The following OLFML1 variants were observed in gnomAD, a reference collection of about 807,000 sequenced individuals.
The protein encoded by OLFML1 is olfactomedin like 1.
Under a neutral mutation model 37.3 loss-of-function variants are expected in OLFML1, and 33 were observed. The observed-to-expected ratio is 0.88, with a 90% CI of 0.67 to 1.18. OLFML1 has a LOEUF of 1.18. OLFML1 is among the 50% of genes most tolerant of loss of function. The pLI, the probability that OLFML1 is intolerant of heterozygous loss-of-function variation, is 0.00. For synonymous variants in OLFML1, 186 were observed against 181.3 expected, an observed-to-expected ratio of 1.03 and a Z score of -0.21; for missense variants, 545 against 483.7, an observed-to-expected ratio of 1.13 and a Z score of -1.19.
chr11:7,486,951 C>T (rs187204103), intron 1 of OLFML1, among the ~76,000 whole-genome samples: 8 of 152,320 alleles, frequency 5.3e-5, no homozygotes, highest in African/African-American at 1.2e-4. Flanking sequence ...TGTTCCCAGA[C>T]GAGCGGCCTC....
In OLFML1 at chr11:7,493,278, T is replaced by C. The variant is rs115951890; in HGVS notation, c.418+4863T>C. On this transcript the variant is annotated intron_variant, in intron 2 of 2. Transcript: ENST00000329293. The stretch of plus-strand genomic sequence containing the variant: ...CAGCATATTTGAAGCCTCTGGGATC[T>C]GTCCAGGTTTTATAAGTGTGCATGA... Among the ~76,000 whole-genome samples, 798 of 152,352 alleles carry C rather than the reference T, an allele frequency of 5.2e-3. 11 individuals carry two copies. The highest frequency in any genetic ancestry group is 0.018 in the African/African-American group (767 of 41,584).
chr11:7,509,771 C>T lies in OLFML1; in HGVS notation c.792C>T (p.His264=). 1 of 1,614,272 alleles carries T rather than the reference C, an allele frequency of 6.2e-7. No homozygotes were observed. Among genetic ancestry groups the T allele is most frequent in the South Asian group, 1.1e-5 (1 of 91,090 alleles). ...TAGGCCGAGCATTGGTTTACCAGCA[C>T]TCCCCCTCAACTTACATTGACCTGG... ...GGVGRALVYQ[H]SPSTYIDLAV... The change falls in exon 3 of 3, where the codon CAC becomes CAT. Residue 264 remains histidine, a synonymous_variant. Coordinates refer to ENST00000329293, the MANE Select transcript of OLFML1 (RefSeq NM_198474.4).
In OLFML1 at chr11:7,488,418, A is replaced by G; in HGVS notation, c.418+3A>G. The G allele has an allele frequency of 6.2e-7, 1 of 1,607,600 alleles. No homozygotes were observed. The highest frequency in any genetic ancestry group is 8.5e-7 in the Non-Finnish European group (1 of 1,176,632). The stretch of plus-strand genomic sequence containing the variant: ...GATCCGGACTCTGCTGAATGCAAGT[A>G]AGAAAACTGCATCTTTTCCTAGCCC... On this transcript the variant is annotated splice_donor_region_variant and intron_variant, in intron 2 of 2. Transcript: ENST00000329293.
At position 7,485,756 on chromosome 11, in the gene OLFML1, C is replaced by A; in HGVS notation, c.-120C>A. On this transcript the variant is annotated 5_prime_UTR_variant, in exon 1 of 3. Coordinates refer to ENST00000329293, the MANE Select transcript of OLFML1 (RefSeq NM_198474.4). ...GGACTTTGCTCTCTGCTGTGCAAAA[C>A]GCTGTTTTTAGAGGATTTGCCACAG... 9.6e-7 allele frequency: 1 copy of A among 1,037,414 alleles called. No homozygotes were observed. Among genetic ancestry groups the A allele is most frequent in the Non-Finnish European group, 1.4e-6 (1 of 699,310 alleles). 64.3% of individuals were successfully genotyped at this position (1,037,414 alleles called of 1,614,324 possible). A position where few individuals can be genotyped will look rare whatever the true frequency, so the allele number is the denominator to read the frequency against.
intron 2 of OLFML1, among the ~76,000 whole-genome samples, chr11:7,489,931 G>A (rs1848575247): frequency 1.3e-5 from 2 of 151,932 alleles, no homozygotes; most frequent in Admixed American, 1.3e-4. Flanking sequence ...TTGGCTCATA[G>A]GTTATTTCCT....
chr11:7,490,301 C>T (rs539017511), intron 2 of OLFML1, among the ~76,000 whole-genome samples: 5 of 152,036 alleles, frequency 3.3e-5, no homozygotes, highest in Admixed American at 2.6e-4. Context: ...GCGGTAAGCA[C>T]AGAGTGAGGG....
intron 2 of OLFML1, among the ~76,000 whole-genome samples, chr11:7,504,242 A>C (rs1223522988): frequency 6.6e-6 from 1 of 152,160 alleles, no homozygotes; most frequent in Non-Finnish European, 1.5e-5. Context: ...CAAGTCCCCA[A>C]GGCAGGAGTG....
intron 2 of OLFML1, among the ~76,000 whole-genome samples, chr11:7,503,861 GA>G (rs1429907427): frequency 3.3e-5 from 5 of 152,286 alleles, no homozygotes; most frequent in African/African-American, 1.2e-4. Flanking sequence ...TTTGGTTGTT[GA>G]AAATTCATTA....
intron 1 of OLFML1, 120 bp from the exon 2 acceptor site, chr11:7,488,007 T>G (rs911308102): frequency 5.6e-5 from 38 of 681,330 alleles, no homozygotes; most frequent in Admixed American, 1.3e-4. Flanking sequence ...GAGATTTCAA[T>G]TTTTCCCCTA....
intron 2 of OLFML1, among the ~76,000 whole-genome samples, chr11:7,502,621 T>A (rs1194024212): frequency 1.3e-5 from 2 of 152,136 alleles, no homozygotes; most frequent in Non-Finnish European, 2.9e-5. Context: ...CTTTTTTTTT[T>A]TCTGGGACAG....
At chr11:7,506,209 C>T (rs901988551) in intron 2 of OLFML1, among the ~76,000 whole-genome samples, 1 of 151,938 alleles carries the variant, frequency 6.6e-6, no homozygotes, top group African/African-American at 2.4e-5. Flanking sequence ...AGGCTAGATG[C>T]TTATAAGCTA....
At chr11:7,488,455 A>G (rs1180580807) in intron 2 of OLFML1, 40 bp downstream of exon 2, 10 of 1,508,092 alleles carry the variant, frequency 6.6e-6, no homozygotes, top group Non-Finnish European at 8.1e-6. Context: ...TCTAGGGACT[A>G]TTATGCTCAG....
At chr11:7,495,178 C>G (rs75109651) in intron 2 of OLFML1, among the ~76,000 whole-genome samples, 6,827 of 152,188 alleles carry the variant, frequency 0.045, 221 homozygotes, top group Non-Finnish European at 0.072. Context: ...CATCTCTAGT[C>G]TTGATTCCTA....
chr11:7,502,411 C>G (rs1848733648), intron 2 of OLFML1, among the ~76,000 whole-genome samples: 1 of 151,944 alleles, frequency 6.6e-6, no homozygotes, highest in Non-Finnish European at 1.5e-5. Flanking sequence ...AAACAGATCA[C>G]TCATACCGCT....
intron 2 of OLFML1, among the ~76,000 whole-genome samples, chr11:7,494,764 G>A (rs1810928885): frequency 6.6e-6 from 1 of 152,192 alleles, no homozygotes; most frequent in African/African-American, 2.4e-5. Flanking sequence ...AGGCACATGA[G>A]GTAGGAGCCT....
At chr11:7,486,087 G>A (rs1848519281) in intron 1 of OLFML1, 83 bp downstream of exon 1, 4 of 1,356,060 alleles carry the variant, frequency 2.9e-6, no homozygotes, top group African/African-American at 1.5e-5. Flanking sequence ...TATCTACTGG[G>A]TTGTATTTTT....
At chr11:7,490,118 T>C (rs1170727727) in intron 2 of OLFML1, among the ~76,000 whole-genome samples, 1 of 72,022 alleles carries the variant, frequency 1.4e-5, no homozygotes, top group Non-Finnish European at 2.6e-5. Flanking sequence ...GCAGAGGGGT[T>C]AGTTAGGCTT....
At chr11:7,508,780 T>C (rs1848815942) in intron 2 of OLFML1, among the ~76,000 whole-genome samples, 1 of 152,256 alleles carries the variant, frequency 6.6e-6, no homozygotes, top group Non-Finnish European at 1.5e-5. Context: ...AGGGTTGATA[T>C]TATATTTTTT....
At chr11:7,492,365 T>C (rs1848609210) in intron 2 of OLFML1, among the ~76,000 whole-genome samples, 4 of 152,082 alleles carry the variant, frequency 2.6e-5, no homozygotes, top group Admixed American at 6.5e-5. Flanking sequence ...TTGCCAGAGG[T>C]CAGATCAGAG....
Sources: gnomAD v4.1 joint callset for allele counts (sites outside exome capture counted in the v4.1 genomes callset) on GRCh38, gnomAD v4.1.1 for gene constraint, MANE v1.5 for transcripts, NCBI Gene and HGNC (gene_info 2026-07-23, HGNC 2026-07-21) for gene names.